PRR27: variants seen among roughly 807,000 people sequenced by gnomAD.
PRR27 encodes the protein proline rich 27.
In PRR27, 12 loss-of-function variants were observed where a neutral mutation model predicts 16.8. That is an observed-to-expected ratio of 0.71 (90% CI 0.46 to 1.16). PRR27 has a LOEUF of 1.16. PRR27 is among the 50% of genes most tolerant of loss of function. PRR27 has a pLI of 0.00. For synonymous variants in PRR27, 100 were observed against 98.4 expected (o/e 1.02, Z -0.10); for missense variants, 277 against 273.3 (o/e 1.01, Z -0.10).
intron 4 of PRR27, among the ~76,000 whole-genome samples, chr4:70,162,380 A>G (rs933272207): frequency 6.6e-6 from 1 of 152,206 alleles, no homozygotes; most frequent in Admixed American, 6.5e-5. Context: ...ATTGCCAAAG[A>G]AACTAAAAGA....
chr4:70,156,303 A>C (rs914456925), intron 2 of PRR27, among the ~76,000 whole-genome samples: 10 of 152,236 alleles, frequency 6.6e-5, no homozygotes, highest in African/African-American at 2.4e-4. Flanking sequence ...GAGCAAAAGC[A>C]TTAAGTGCAC....
At chr4:70,159,639 A>G (rs1409332186) in intron 3 of PRR27, among the ~76,000 whole-genome samples, 1 of 152,196 alleles carries the variant, frequency 6.6e-6, no homozygotes, top group African/African-American at 2.4e-5. Flanking sequence ...TATTATATCT[A>G]TAACATACAC....
At chr4:70,155,419 C>T (rs1024253436) in intron 1 of PRR27, among the ~76,000 whole-genome samples, 1 of 150,938 alleles carries the variant, frequency 6.6e-6, no homozygotes, top group Non-Finnish European at 1.5e-5. Context: ...GGCTGGAGTG[C>T]AGTGGCGCGA....
chr4:70,154,476 A>G, intron 1 of PRR27, 50 bp downstream of exon 1: 1 of 1,441,538 alleles, frequency 6.9e-7, no homozygotes, highest in Non-Finnish European at 9.8e-7. Flanking sequence ...CCATTTGCTA[A>G]TTGTTTATAG....
chr4:70,158,658 G>A lies in PRR27; in HGVS notation c.406G>A (p.Ala136Thr), dbSNP rs748538660. The change falls in exon 3 of 5, where the codon GCT becomes ACT. Residue 136 changes from alanine to threonine, a missense_variant. Physicochemically the swap from Ala to Thr is moderately conservative, Grantham distance 58. Coordinates refer to ENST00000344526, the MANE Select transcript of PRR27 (RefSeq NM_214711.4). ...ACCTATTGCAGCTGAGCCTGCTGCAGCTGCACCTCTTACAGCCACACCTGT... is the reference window on the plus strand; with the variant it reads ...ACCTATTGCAGCTGAGCCTGCTGCAACTGCACCTCTTACAGCCACACCTGT... ...APPIAAEPAA[A>T]APLTATPVAA... 2.5e-5 allele frequency: 40 copies of A among 1,613,886 alleles called. No homozygotes were observed. In the Admixed American group the frequency reaches 6.7e-4, roughly 27 times the overall value.
At chr4:70,162,365 C>A (rs1241746545) in intron 4 of PRR27, among the ~76,000 whole-genome samples, 1 of 152,300 alleles carries the variant, frequency 6.6e-6, no homozygotes, top group Non-Finnish European at 1.5e-5. Context: ...CTCTTTACAG[C>A]AGCCATTGCC....
Position 70,158,791 on chromosome 4 carries a change from C to T in PRR27, c.539C>T (p.Ala180Val). 1 of 1,613,070 alleles carries T rather than the reference C, an allele frequency of 6.2e-7. No individual in the cohort carries two copies. Among genetic ancestry groups the T allele is most frequent in the Non-Finnish European group, 8.5e-7 (1 of 1,179,248 alleles). The change falls in exon 3 of 5, where the codon GCA becomes GTA. Residue 180 changes from alanine (A) to valine (V), a missense_variant. Coordinates refer to ENST00000344526, the MANE Select transcript of PRR27 (RefSeq NM_214711.4). Reference sequence around the variant, plus strand: ...GCACCTGTTGCAGCTGAGCCTGCTGCAGAGGCACCTGTTGGAGTGGAGCCA... The same window carrying T: ...GCACCTGTTGCAGCTGAGCCTGCTGTAGAGGCACCTGTTGGAGTGGAGCCA... ...AEAPVAAEPA[A>V]EAPVGVEPAA...
intron 1 of PRR27, among the ~76,000 whole-genome samples, chr4:70,155,466 G>T (rs1202897122): frequency 6.6e-6 from 1 of 151,734 alleles, no homozygotes; most frequent in East Asian, 1.9e-4. Flanking sequence ...TCGGGTTCAC[G>T]CCATTCTCCT....
In PRR27 at chr4:70,163,835, CT is replaced by C. The variant is rs1389090662; in HGVS notation, c.*1176del. The stretch of plus-strand genomic sequence containing the variant: ...CTTGTCTAACTAATGACTTTTCTAA[CT>C]TCATTCCCTATCATTCTCCATCTTG... On this transcript the variant is annotated 3_prime_UTR_variant, in exon 5 of 5. Coordinates refer to ENST00000344526, the MANE Select transcript of PRR27 (RefSeq NM_214711.4). 1 of 151,832 alleles carries C rather than the reference CT, an allele frequency of 6.6e-6. No individual in the cohort carries two copies. The highest frequency in any genetic ancestry group is 2.4e-5 in the African/African-American group (1 of 41,342). 9.4% of individuals were successfully genotyped at this position (151,832 alleles called of 1,614,324 possible). A position where few individuals can be genotyped will look rare whatever the true frequency, so the allele number is the denominator to read the frequency against.
At position 70,162,839 on chromosome 4, in the gene PRR27, A is replaced by C. The variant is rs1728678334; in HGVS notation, c.*178A>C. On this transcript the variant is annotated 3_prime_UTR_variant, in exon 5 of 5. Transcript: ENST00000344526. Reference sequence around the variant, plus strand: ...CTTGGACTTAATTTATATTGAAAAAACATTGATAATTAAATAAATAAAATA... The same window carrying C: ...CTTGGACTTAATTTATATTGAAAAACCATTGATAATTAAATAAATAAAATA... 6.6e-6 allele frequency: 1 copy of C among 152,266 alleles called. No individual in the cohort carries two copies. Among genetic ancestry groups the C allele is most frequent in the Non-Finnish European group, 1.5e-5 (1 of 68,022 alleles). The allele number at this position is 152,266 out of a possible 1,614,324, so 9.4% of individuals were successfully genotyped here. A position where few individuals can be genotyped will look rare whatever the true frequency, so the allele number is the denominator to read the frequency against.
rs1226840190 is a variant in PRR27 at position 70,164,342 on chromosome 4, A to G, written c.*1681A>G. 6.6e-6 allele frequency: 1 copy of G among 152,196 alleles called. No homozygotes were observed. The highest frequency in any genetic ancestry group is 2.4e-5 in the African/African-American group (1 of 41,444). 9.4% of individuals were successfully genotyped at this position (152,196 alleles called of 1,614,324 possible). ...GAATGAAGGAAGAAAAAATTTTTAC[A>G]AACATTCAACATATTTTTATTTTGA... On this transcript the variant is annotated 3_prime_UTR_variant, in exon 5 of 5. Coordinates refer to ENST00000344526, the MANE Select transcript of PRR27 (RefSeq NM_214711.4).
intron 4 of PRR27, among the ~76,000 whole-genome samples, chr4:70,162,289 G>A (rs1022728676): frequency 7.2e-5 from 11 of 152,190 alleles, no homozygotes; most frequent in Non-Finnish European, 1.6e-4. Context: ...TATTTCTGAG[G>A]TGACATCACT....
At chr4:70,155,383 T>TTTTTA in intron 1 of PRR27, among the ~76,000 whole-genome samples, 1 of 151,580 alleles carries the variant, frequency 6.6e-6, no homozygotes, top group African/African-American at 2.4e-5. Context: ...TTTTTTTTTT[T>TTTTTA]GAGACGGAGT....
intron 2 of PRR27, among the ~76,000 whole-genome samples, chr4:70,156,901 T>C (rs1560468723): frequency 6.6e-6 from 1 of 152,206 alleles, no homozygotes; most frequent in Non-Finnish European, 1.5e-5. Context: ...TACTTATTTT[T>C]TTATTATACT....
At chr4:70,160,095 A>C (rs1407182649) in intron 3 of PRR27, among the ~76,000 whole-genome samples, 1 of 152,120 alleles carries the variant, frequency 6.6e-6, no homozygotes, top group East Asian at 1.9e-4. Context: ...GATTTGTTAC[A>C]TGGGAATATG....
chr4:70,158,867 C>T lies in PRR27; in HGVS notation c.615C>T (p.Ala205=), dbSNP rs1268413615. Residue 205 remains alanine (A), a synonymous_variant, in exon 3 of 5, where the codon GCC becomes GCT. Transcript: ENST00000344526. Reference sequence around the variant, plus strand: ...AGCCTGCTACAGCCAAGCCTGCTGCCCCAGAACCTCACCCTTCTCCCTCTC... The same window carrying T: ...AGCCTGCTACAGCCAAGCCTGCTGCTCCAGAACCTCACCCTTCTCCCTCTC... ...PAEPATAKPA[A]PEPHPSPSLE... is the part of the protein sequence containing the mutation. 2.5e-6 allele frequency: 4 copies of T among 1,613,858 alleles called. No individual in the cohort carries two copies. Among genetic ancestry groups the T allele is most frequent in the East Asian group, 4.5e-5 (2 of 44,878 alleles).
intron 4 of PRR27, among the ~76,000 whole-genome samples, chr4:70,162,193 C>T (rs1728665224): frequency 6.6e-6 from 1 of 152,154 alleles, no homozygotes; most frequent in Non-Finnish European, 1.5e-5. Flanking sequence ...AGGTTCTTCT[C>T]CTTCATCCCT....
In PRR27 at chr4:70,164,931, CA is replaced by C. The variant is rs1205361945; in HGVS notation, c.*2271del. ...TTTAAAAATAAACATGACATCTTAT[CA>C]TGAGAAACATTTACAGTTTTTGCTT... On this transcript the variant is annotated 3_prime_UTR_variant, in exon 5 of 5. Coordinates refer to ENST00000344526, the MANE Select transcript of PRR27 (RefSeq NM_214711.4). 3 of 152,088 alleles carry C rather than the reference CA, an allele frequency of 2.0e-5. 1 individual carries two copies. The highest frequency in any genetic ancestry group is 7.2e-5 in the African/African-American group (3 of 41,434). The allele number at this position is 152,088 out of a possible 1,614,324, so 9.4% of individuals were successfully genotyped here.
chr4:70,165,886 C>T lies in PRR27; in HGVS notation c.*3225C>T, dbSNP rs934994704. On this transcript the variant is annotated 3_prime_UTR_variant, in exon 5 of 5. Transcript: ENST00000344526. ...ACCACTATACTTCTCCAGTGATTGC[C>T]AGATGGCCCACTATACATCCTTTCT... The T allele has an allele frequency of 6.6e-6, 1 of 152,102 alleles. No homozygotes were observed. Among genetic ancestry groups the T allele is most frequent in the African/African-American group, 2.4e-5 (1 of 41,450 alleles). 9.4% of individuals were successfully genotyped at this position (152,102 alleles called of 1,614,324 possible). A position where few individuals can be genotyped will look rare whatever the true frequency, so the allele number is the denominator to read the frequency against.
Sources: allele counts gnomAD v4.1 joint callset (sites outside exome capture counted in the v4.1 genomes callset), GRCh38; gene constraint gnomAD v4.1.1; transcripts MANE v1.5; gene names NCBI Gene and HGNC (gene_info 2026-07-23, HGNC 2026-07-21).